TBC1D19: variants seen among roughly 807,000 people sequenced by gnomAD.
TBC1D19 encodes the protein TBC1 domain family, member 19.
Under a neutral mutation model 89.0 loss-of-function variants are expected in TBC1D19, and 60 were observed. The ratio of observed to expected loss-of-function variants is 0.67; its 90% CI spans 0.55 to 0.84. The LOEUF is 0.84. TBC1D19 is among the 40% of genes least tolerant of loss of function. TBC1D19 has a pLI of 0.00. For missense variants in TBC1D19, 500 were observed against 610.8 expected (o/e 0.82, Z 1.91); for synonymous variants, 189 against 199.7 (o/e 0.95, Z 0.45).
intron 13 of TBC1D19, among the ~76,000 whole-genome samples, chr4:26,707,913 T>G (rs376570469): frequency 2.0e-5 from 3 of 152,086 alleles, no homozygotes; most frequent in African/African-American, 7.2e-5. Context: ...CCAGAAATTA[T>G]GTAGAAAACA....
the TBC1D19 span, among the ~76,000 whole-genome samples, chr4:26,802,038 G>T: frequency 6.6e-6 from 1 of 152,096 alleles, no homozygotes; most frequent in South Asian, 2.1e-4. Context: ...GGCCACATTT[G>T]TTATGATTAA....
intron 1 of TBC1D19, among the ~76,000 whole-genome samples, chr4:26,610,525 T>G (rs1176222830): frequency 6.6e-6 from 1 of 151,778 alleles, no homozygotes; most frequent in Non-Finnish European, 1.5e-5. Context: ...GTCACGGGGG[T>G]TTGGTGTACA....
intron 4 of TBC1D19, among the ~76,000 whole-genome samples, chr4:26,627,483 T>C (rs989190201): frequency 1.3e-5 from 2 of 152,146 alleles, no homozygotes; most frequent in Non-Finnish European, 2.9e-5. Context: ...CCACAATGGT[T>C]GAACTAGTTT....
the TBC1D19 span, among the ~76,000 whole-genome samples, chr4:26,794,701 C>T: frequency 1.1e-4 from 16 of 152,186 alleles, no homozygotes; most frequent in East Asian, 3.1e-3. Flanking sequence ...TTAACTTTTA[C>T]AAACAGATAG....
At chr4:26,809,735 T>C in the TBC1D19 span, among the ~76,000 whole-genome samples, 1 of 152,096 alleles carries the variant, frequency 6.6e-6, no homozygotes, top group Non-Finnish European at 1.5e-5. Flanking sequence ...GAAGGCCGGG[T>C]TCCCTCCTCT....
the TBC1D19 span, among the ~76,000 whole-genome samples, chr4:26,805,452 A>G: frequency 6.6e-6 from 1 of 152,190 alleles, no homozygotes; most frequent in Non-Finnish European, 1.5e-5. Flanking sequence ...TGGGTGCCTA[A>G]CAGTCTTAGT....
At chr4:26,585,978 T>C (rs1332338527) in intron 1 of TBC1D19, among the ~76,000 whole-genome samples, 1 of 152,160 alleles carries the variant, frequency 6.6e-6, no homozygotes, top group African/African-American at 2.4e-5. Context: ...AATTGTTTTA[T>C]GATTTGTGCT....
At chr4:26,587,939 T>C (rs145811974) in intron 1 of TBC1D19, among the ~76,000 whole-genome samples, 319 of 152,190 alleles carry the variant, frequency 2.1e-3, no homozygotes, top group African/African-American at 7.4e-3. Context: ...TAAAATTGTT[T>C]ATATGATCCC....
At position 26,614,409 on chromosome 4, in the gene TBC1D19, T is replaced by C; in HGVS notation, c.174T>C (p.Gly58=). The change falls in exon 3 of 21, where the codon GGT becomes GGC. Residue 58 remains glycine, a splice_region_variant and synonymous_variant. Coordinates refer to ENST00000264866, the MANE Select transcript of TBC1D19 (RefSeq NM_018317.4). ...EDIKEFFKIS[G]WEKKLQNAVY... Reference sequence around the variant, plus strand: ...TTTTATTCTTTTTTTAAAAAACAGGTTGGGAGAAGAAACTTCAGAATGCTG... The same window carrying C: ...TTTTATTCTTTTTTTAAAAAACAGGCTGGGAGAAGAAACTTCAGAATGCTG... 1.3e-6 allele frequency: 2 copies of C among 1,588,478 alleles called. No individual in the cohort carries two copies. The highest frequency in any genetic ancestry group is 1.7e-6 in the Non-Finnish European group (2 of 1,167,966).
chr4:26,687,170 C>T (rs906650113), intron 12 of TBC1D19, among the ~76,000 whole-genome samples: 1 of 152,036 alleles, frequency 6.6e-6, no homozygotes, highest in Non-Finnish European at 1.5e-5. Flanking sequence ...GGTTTGGGAT[C>T]TATATTTACT....
intron 1 of TBC1D19, among the ~76,000 whole-genome samples, chr4:26,592,106 C>T (rs558493708): frequency 1.8e-4 from 27 of 152,248 alleles, no homozygotes; most frequent in Admixed American, 6.5e-4. Context: ...ACTGGCAAAC[C>T]GAATCCAGCA....
chr4:26,644,727 C>G (rs1743796573), intron 7 of TBC1D19, among the ~76,000 whole-genome samples: 1 of 152,236 alleles, frequency 6.6e-6, no homozygotes, highest in Non-Finnish European at 1.5e-5. Context: ...AGCAAAGTCT[C>G]AGGATACAAA....
At chr4:26,766,529 C>G in the TBC1D19 span, among the ~76,000 whole-genome samples, 1 of 152,146 alleles carries the variant, frequency 6.6e-6, no homozygotes, top group African/African-American at 2.4e-5. Flanking sequence ...CCACCAGACA[C>G]CTATGCCATG....
At chr4:26,775,931 T>C in the TBC1D19 span, among the ~76,000 whole-genome samples, 1 of 152,220 alleles carries the variant, frequency 6.6e-6, no homozygotes. Context: ...CATGCAGTTT[T>C]TATCCTTATT....
chr4:26,659,277 T>C (rs185860404), intron 7 of TBC1D19, among the ~76,000 whole-genome samples: 8 of 152,240 alleles, frequency 5.3e-5, no homozygotes, highest in African/African-American at 7.2e-5. Flanking sequence ...CCTTCTCTGG[T>C]AAAGTGTTAT....
chr4:26,624,031 G>A (rs745982487), intron 4 of TBC1D19, among the ~76,000 whole-genome samples: 2 of 152,058 alleles, frequency 1.3e-5, no homozygotes, highest in Admixed American at 6.6e-5. Flanking sequence ...CGATTCCAGA[G>A]CCCAGCATTT....
intron 1 of TBC1D19, among the ~76,000 whole-genome samples, chr4:26,577,506 T>C (rs756639203): frequency 9.2e-5 from 14 of 152,264 alleles, no homozygotes; most frequent in Non-Finnish European, 1.9e-4. Context: ...TTTTCTTTTC[T>C]TCAACCAGCA....
intron 17 of TBC1D19, among the ~76,000 whole-genome samples, chr4:26,741,248 C>G (rs1037625038): frequency 6.7e-6 from 1 of 149,438 alleles, no homozygotes; most frequent in African/African-American, 2.5e-5. Flanking sequence ...CCCAGCTACT[C>G]GGGAGGCTGA....
chr4:26,579,183 T>C (rs571356811), upstream of TBC1D19, among the ~76,000 whole-genome samples: 18 of 152,358 alleles, frequency 1.2e-4, no homozygotes, highest in Non-Finnish European at 7.3e-5. Context: ...AAGTAGTCTA[T>C]TTGTGGCCCA....
Sources: allele counts gnomAD v4.1 joint callset (sites outside exome capture counted in the v4.1 genomes callset), GRCh38; gene constraint gnomAD v4.1.1; transcripts MANE v1.5; gene names NCBI Gene and HGNC (gene_info 2026-07-23, HGNC 2026-07-21).